The following C19orf12 variants were observed in gnomAD, a reference collection of about 807,000 sequenced individuals.
C19orf12 encodes the protein protein C19orf12.
In C19orf12, 2 loss-of-function variants were observed where a neutral mutation model predicts 3.8. The observed-to-expected ratio is 0.53, with a 90% CI of 0.22 to 1.66. The LOEUF (loss-of-function observed/expected upper bound fraction) is 1.66, where lower values mean the gene tolerates loss of function less well. Ranked by LOEUF, C19orf12 falls within the 40% of genes most tolerant of loss-of-function variation. C19orf12 has a pLI of 0.20. For synonymous variants in C19orf12, 89 were observed against 84.6 expected, an observed-to-expected ratio of 1.05 and a Z score of -0.28; for missense variants, 156 against 188.8, an observed-to-expected ratio of 0.83 and a Z score of 1.02.
intron 1 of C19orf12, among the ~76,000 whole-genome samples, chr19:29,712,933 G>C (rs1262230874): frequency 6.6e-6 from 1 of 152,234 alleles, no homozygotes; most frequent in Non-Finnish European, 1.5e-5. Flanking sequence ...AGGGCAGGCA[G>C]AGGAAGTCAC....
At chr19:29,709,595 T>A (rs534618269) in intron 1 of C19orf12, among the ~76,000 whole-genome samples, 1 of 150,996 alleles carries the variant, frequency 6.6e-6, no homozygotes, top group Non-Finnish European at 1.5e-5. Flanking sequence ...AGTGGCATGA[T>A]CACAACTCAC....
At chr19:29,708,645 G>T in intron 1 of C19orf12, 1 of 612,114 alleles carries the variant, frequency 1.6e-6, no homozygotes, top group Non-Finnish European at 2.9e-6. Flanking sequence ...CTGAGTGGAT[G>T]AAAGGTCTTC....
chr19:29,709,383 T>TC (rs1395082103), intron 1 of C19orf12, among the ~76,000 whole-genome samples: 1 of 152,184 alleles, frequency 6.6e-6, no homozygotes, highest in African/African-American at 2.4e-5. Flanking sequence ...GTGGGGGGTC[T>TC]CCTCAGAGCT....
Position 29,715,231 on chromosome 19 carries a change from T to C in C19orf12, c.-117A>G, listed in dbSNP as rs1972900820. Reference sequence around the variant, plus strand: ...CCCAGCTCCCCAGCCCCGCGGAGGGTCGCGCAGGCCTTGGTGGCGGCCCCG... The same window carrying C: ...CCCAGCTCCCCAGCCCCGCGGAGGGCCGCGCAGGCCTTGGTGGCGGCCCCG... On this transcript the variant is annotated 5_prime_UTR_variant, in exon 1 of 3. Coordinates refer to ENST00000323670, the MANE Select transcript of C19orf12 (RefSeq NM_031448.6). The C allele has an allele frequency of 7.0e-6, 3 of 429,730 alleles. No individual in the cohort carries two copies. In the Admixed American group the frequency reaches 1.1e-4, roughly 16 times the overall value. 26.6% of individuals were successfully genotyped at this position (429,730 alleles called of 1,614,324 possible).
Position 29,700,607 on chromosome 19 carries a change from CTG to C in C19orf12, c.*2103_*2104del. ...ACAACCCCTCCTTCCCACCCCTGCC[CTG>C]TCCCCCATCAACTTAAGTGGCATAT... On this transcript the variant is annotated 3_prime_UTR_variant, in exon 3 of 3. Coordinates refer to ENST00000323670, the MANE Select transcript of C19orf12 (RefSeq NM_031448.6). The C allele has an allele frequency of 2.2e-6, 1 of 454,246 alleles. No homozygotes were observed. Among genetic ancestry groups the C allele is most frequent in the South Asian group, 1.6e-5 (1 of 64,478 alleles). The allele number at this position is 454,246 out of a possible 1,614,324, so 28.1% of individuals were successfully genotyped here. A position where few individuals can be genotyped will look rare whatever the true frequency, so the allele number is the denominator to read the frequency against.
At chr19:29,706,550 C>T (rs909325087) in intron 2 of C19orf12, among the ~76,000 whole-genome samples, 6 of 152,130 alleles carry the variant, frequency 3.9e-5, no homozygotes, top group Non-Finnish European at 8.8e-5. Context: ...CAAAATGATC[C>T]CCAAAGCCTT....
At chr19:29,713,269 T>C (rs35117346) in intron 1 of C19orf12, among the ~76,000 whole-genome samples, 19,398 of 151,670 alleles carry the variant, frequency 0.13, 1,678 homozygotes, top group East Asian at 0.36. Context: ...TCCCCCACTG[T>C]ATCACACCTA....
chr19:29,706,598 A>C (rs1348269100), intron 2 of C19orf12, among the ~76,000 whole-genome samples: 1 of 152,200 alleles, frequency 6.6e-6, no homozygotes, highest in Non-Finnish European at 1.5e-5. Flanking sequence ...GCACAGATGC[A>C]CAGTGTCATC....
intron 2 of C19orf12, among the ~76,000 whole-genome samples, chr19:29,703,623 C>G (rs947731360): frequency 2.6e-5 from 4 of 151,948 alleles, no homozygotes; most frequent in African/African-American, 9.7e-5. Flanking sequence ...AGGTGATCCG[C>G]CTACCTCGGC....
intron 1 of C19orf12, among the ~76,000 whole-genome samples, chr19:29,709,529 C>CTT (rs10562051): frequency 3.0e-5 from 4 of 131,892 alleles, no homozygotes; most frequent in Non-Finnish European, 4.7e-5. Flanking sequence ...TGCTTATTAT[C>CTT]TTTTTTTTTT....
chr19:29,708,619 A>C (rs1972504841), intron 1 of C19orf12, 196 bp from the exon 2 acceptor site: 1 of 669,360 alleles, frequency 1.5e-6, no homozygotes, highest in South Asian at 1.7e-5. Context: ...GTTAGTGAAT[A>C]AGCAAATAGC....
At chr19:29,711,729 G>T (rs1972688077) in intron 1 of C19orf12, among the ~76,000 whole-genome samples, 1 of 152,122 alleles carries the variant, frequency 6.6e-6, no homozygotes, top group Non-Finnish European at 1.5e-5. Context: ...AAAGAAGGAA[G>T]GCAGGAAACA....
intron 1 of C19orf12, among the ~76,000 whole-genome samples, chr19:29,709,626 C>T (rs1187137975): frequency 6.6e-6 from 1 of 150,860 alleles, no homozygotes; most frequent in Non-Finnish European, 1.5e-5. Context: ...ACCTCCTGGG[C>T]TCAAGCGATC....
intron 1 of C19orf12, among the ~76,000 whole-genome samples, chr19:29,709,223 TAGAC>T (rs1404050681): frequency 6.6e-6 from 1 of 152,112 alleles, no homozygotes; most frequent in Non-Finnish European, 1.5e-5. Flanking sequence ...TATATATGAA[TAGAC>T]AGACGGACGG....
intron 2 of C19orf12, among the ~76,000 whole-genome samples, chr19:29,707,965 G>A (rs746834035): frequency 6.6e-6 from 1 of 151,204 alleles, no homozygotes; most frequent in African/African-American, 2.4e-5. Flanking sequence ...TTTGCCTCCC[G>A]GGTTTAAGCG....
rs986316215 is a variant in C19orf12 at position 29,700,176 on chromosome 19, C to T, written c.*2536G>A. ...CTCTGAGCTGGGACCACCTGTGTCC[C>T]CTGGGCCTGACACAGACCAGGACCT... On this transcript the variant is annotated 3_prime_UTR_variant, in exon 3 of 3. Coordinates refer to ENST00000323670, the MANE Select transcript of C19orf12 (RefSeq NM_031448.6). 15 of 453,810 alleles carry T rather than the reference C, an allele frequency of 3.3e-5. No homozygotes were observed. The highest frequency in any genetic ancestry group is 2.8e-4 in the African/African-American group (14 of 49,852). 28.1% of individuals were successfully genotyped at this position (453,810 alleles called of 1,614,324 possible). A position where few individuals can be genotyped will look rare whatever the true frequency, so the allele number is the denominator to read the frequency against.
Position 29,701,143 on chromosome 19 carries a change from A to G in C19orf12, c.*1569T>C, listed in dbSNP as rs2038787803. 1 of 454,016 alleles carries G rather than the reference A, an allele frequency of 2.2e-6. No individual in the cohort carries two copies. Among genetic ancestry groups the G allele is most frequent in the Non-Finnish European group, 4.4e-6 (1 of 226,804 alleles). The allele number at this position is 454,016 out of a possible 1,614,324, so 28.1% of individuals were successfully genotyped here. On this transcript the variant is annotated 3_prime_UTR_variant, in exon 3 of 3. Transcript: ENST00000323670. ...TTTGAATATTAGAGATATTTTACAC[A>G]TAATATGTGGGAAAATGGCTTTTTA...
At position 29,702,988 on chromosome 19, in the gene C19orf12, T is replaced by A. The variant is rs757218085; in HGVS notation, c.161-11A>T. The A allele has an allele frequency of 6.2e-7, 1 of 1,603,208 alleles. No homozygotes were observed. The highest frequency in any genetic ancestry group is 1.7e-5 in the Admixed American group (1 of 59,724). ...CCCCGACAGCCCCCCCTAGAAAACA[T>A]GGAATCGTTCAATTAGTGGGTCTTA... On this transcript the variant is annotated splice_polypyrimidine_tract_variant and intron_variant, in intron 2 of 2. Transcript: ENST00000323670.
Position 29,700,425 on chromosome 19 carries a change from G to A in C19orf12, c.*2287C>T, listed in dbSNP as rs987918581. ...ACGTTTTTTCCTTCACACTAAAAAC[G>A]GGCAACTTTAGAGCCCACTAAAGCT... is the stretch of plus-strand genomic sequence containing the variant. On this transcript the variant is annotated 3_prime_UTR_variant, in exon 3 of 3. Transcript: ENST00000323670. 4.0e-5 allele frequency: 18 copies of A among 453,920 alleles called. No individual in the cohort carries two copies. Among genetic ancestry groups the A allele is most frequent in the Non-Finnish European group, 6.2e-5 (14 of 226,802 alleles). The allele number at this position is 453,920 out of a possible 1,614,324, so 28.1% of individuals were successfully genotyped here.
Sources: gnomAD v4.1 joint callset for allele counts (sites outside exome capture counted in the v4.1 genomes callset) on GRCh38, gnomAD v4.1.1 for gene constraint, MANE v1.5 for transcripts, NCBI Gene and HGNC (gene_info 2026-07-23, HGNC 2026-07-21) for gene names.